Variants in CELF4 observed in about 807,000 individuals in gnomAD.
The protein encoded by CELF4 is CUGBP Elav-like family member 4.
In CELF4, 18 loss-of-function variants were observed where a neutral mutation model predicts 59.9. That is an observed-to-expected ratio of 0.30 (90% CI 0.21 to 0.45). The LOEUF is 0.45. Ranked by LOEUF, CELF4 falls within the 20% of genes least tolerant of loss-of-function variation. The pLI, the probability that CELF4 is intolerant of heterozygous loss-of-function variation, is 1.00. For synonymous variants in CELF4, 261 were observed against 267.1 expected (o/e 0.98, Z 0.22); for missense variants, 456 against 689.0 (o/e 0.66, Z 3.79).
intron 1 of CELF4, among the ~76,000 whole-genome samples, chr18:37,557,916 G>A (rs1409368416): frequency 6.6e-6 from 1 of 151,856 alleles, no homozygotes; most frequent in African/African-American, 2.4e-5. Context: ...GAGATACAAG[G>A]AAGGATAAGA....
intron 3 of CELF4, among the ~76,000 whole-genome samples, chr18:37,276,813 A>C (rs1569491331): frequency 6.6e-6 from 1 of 152,180 alleles, no homozygotes. Flanking sequence ...GGGTGGCTGC[A>C]CTCAGCAGGC....
At chr18:37,344,287 G>T (rs537470488) in intron 2 of CELF4, among the ~76,000 whole-genome samples, 1 of 152,240 alleles carries the variant, frequency 6.6e-6, no homozygotes, top group Non-Finnish European at 1.5e-5. Context: ...GAGGACAGAC[G>T]TGGCTTACAC....
At chr18:37,266,329 C>T (rs1033010316) in intron 9 of CELF4, 2 of 624,862 alleles carry the variant, frequency 3.2e-6, no homozygotes, top group African/African-American at 3.7e-5. Flanking sequence ...GAAGTTCTGC[C>T]CAACCCCACT....
intron 2 of CELF4, among the ~76,000 whole-genome samples, chr18:37,332,515 C>G (rs13381240): frequency 2.6e-5 from 4 of 152,118 alleles, no homozygotes; most frequent in Non-Finnish European, 5.9e-5. Flanking sequence ...TCTCTCCCAT[C>G]CCTCTCCGAG....
chr18:37,492,691 C>A (rs1399706102), intron 1 of CELF4, among the ~76,000 whole-genome samples: 1 of 152,202 alleles, frequency 6.6e-6, no homozygotes, highest in Non-Finnish European at 1.5e-5. Context: ...GGAGTCTACA[C>A]AGCCTTTAAG....
chr18:37,258,125 C>G (rs867364895), intron 11 of CELF4, among the ~76,000 whole-genome samples: 1 of 152,174 alleles, frequency 6.6e-6, no homozygotes, highest in Non-Finnish European at 1.5e-5. Context: ...ATCTGACAGC[C>G]ATACTTCTGG....
At chr18:37,452,063 T>A (rs1284376044) in intron 2 of CELF4, among the ~76,000 whole-genome samples, 2 of 152,106 alleles carry the variant, frequency 1.3e-5, no homozygotes, top group Non-Finnish European at 1.5e-5. Flanking sequence ...TGCCTACCCA[T>A]CAGCCAGGAG....
At chr18:37,354,371 C>T (rs1270543474) in intron 2 of CELF4, among the ~76,000 whole-genome samples, 1 of 152,078 alleles carries the variant, frequency 6.6e-6, no homozygotes, top group Non-Finnish European at 1.5e-5. Flanking sequence ...GAAGCCCATG[C>T]TTCTGATTGT....
At chr18:37,487,169 C>T (rs569429027) in intron 1 of CELF4, among the ~76,000 whole-genome samples, 1 of 152,304 alleles carries the variant, frequency 6.6e-6, no homozygotes, top group African/African-American at 2.4e-5. Context: ...CTCCCGGTGT[C>T]CTCTGCAGCT....
chr18:37,501,599 G>A (rs186543787), intron 1 of CELF4, among the ~76,000 whole-genome samples: 79 of 152,380 alleles, frequency 5.2e-4, no homozygotes, highest in Non-Finnish European at 1.0e-3. Flanking sequence ...GTAAGCTGGT[G>A]TGTGGCCCAG....
rs142983442 is a variant in CELF4, at chr18:37,535,328, A to T, written c.286+30028T>A. ...TGTCTTTTTGTTGTTTTTCCTAGTC[A>T]GTCTTTTCAAAATGTTAAAATAAGA... On this transcript the variant is annotated intron_variant, in intron 1 of 12. Transcript: ENST00000420428. 5.6e-3 allele frequency among the ~76,000 whole-genome samples: 852 copies of T among 152,316 alleles called. 9 individuals carry two copies. Among genetic ancestry groups the T allele is most frequent in the African/African-American group, 0.02 (811 of 41,574 alleles).
At chr18:37,470,047 G>A (rs1293121286) in intron 2 of CELF4, among the ~76,000 whole-genome samples, 1 of 152,146 alleles carries the variant, frequency 6.6e-6, no homozygotes, top group Non-Finnish European at 1.5e-5. Flanking sequence ...TCTGTGCCTT[G>A]GCCACCAGAA....
chr18:37,413,152 C>A (rs934501819), intron 2 of CELF4, among the ~76,000 whole-genome samples: 1 of 152,182 alleles, frequency 6.6e-6, no homozygotes, highest in Non-Finnish European at 1.5e-5. Context: ...AACATATTGA[C>A]CCTGGGAGCC....
rs761107794 is a variant in CELF4 at position 37,565,649 on chromosome 18, ATCT to A, written c.-11_-9del. 1.5e-5 allele frequency: 24 copies of A among 1,569,950 alleles called. No individual in the cohort carries two copies. Among genetic ancestry groups the A allele is most frequent in the East Asian group, 1.4e-4 (6 of 43,944 alleles). On this transcript the variant is annotated 5_prime_UTR_variant, in exon 1 of 13. Transcript: ENST00000420428. Reference sequence around the variant, plus strand: ...GGCCATCTTTATATACATAGAGAAAATCTTCTTTCCTTTTATTCTTTCTCGCTC... The same window carrying A: ...GGCCATCTTTATATACATAGAGAAAATCTTTCCTTTTATTCTTTCTCGCTC...
chr18:37,325,126 A>G (rs1250584771), intron 2 of CELF4, among the ~76,000 whole-genome samples: 1 of 151,784 alleles, frequency 6.6e-6, no homozygotes, highest in Non-Finnish European at 1.5e-5. Context: ...AGGGGTGTGA[A>G]CCAGAATCTG....
At chr18:37,528,161 A>G (rs896699407) in intron 1 of CELF4, among the ~76,000 whole-genome samples, 1 of 152,216 alleles carries the variant, frequency 6.6e-6, no homozygotes, top group Non-Finnish European at 1.5e-5. Flanking sequence ...AATATTAAGC[A>G]TTTTCTGATA....
chr18:37,414,242 CT>C (rs1569569168), intron 2 of CELF4, among the ~76,000 whole-genome samples: 112 of 143,838 alleles, frequency 7.8e-4, no homozygotes, highest in African/African-American at 2.7e-3. Flanking sequence ...ATCTATCTAT[CT>C]ATCCATCCAT....
In CELF4 at chr18:37,365,268, C is replaced by T. The variant is rs180814726; in HGVS notation, c.370-43387G>A. ...AGAAGATAGCAGTGTGGGTCTCAAGCACCCTCAAAGTTGGGCAATGGAGAG... is the reference window on the plus strand; with the variant it reads ...AGAAGATAGCAGTGTGGGTCTCAAGTACCCTCAAAGTTGGGCAATGGAGAG... On this transcript the variant is annotated intron_variant, in intron 2 of 12. Coordinates refer to ENST00000420428, the MANE Select transcript of CELF4 (RefSeq NM_020180.4). 2.8e-4 allele frequency among the ~76,000 whole-genome samples: 42 copies of T among 152,190 alleles called. 1 individual carries two copies. Among genetic ancestry groups the T allele is most frequent in the Admixed American group, 2.0e-3 (31 of 15,276 alleles).
At chr18:37,328,361 T>TG (rs1341182742) in intron 2 of CELF4, among the ~76,000 whole-genome samples, 4 of 152,154 alleles carry the variant, frequency 2.6e-5, no homozygotes, top group African/African-American at 9.7e-5. Context: ...GGATAGGCGC[T>TG]GGCAGCCGAG....
Sources: gnomAD v4.1 joint callset for allele counts (sites outside exome capture counted in the v4.1 genomes callset) on GRCh38, gnomAD v4.1.1 for gene constraint, MANE v1.5 for transcripts, NCBI Gene and HGNC (gene_info 2026-07-23, HGNC 2026-07-21) for gene names.